MYOF: variants seen among roughly 807,000 people sequenced by gnomAD.
MYOF encodes myoferlin.
Under a neutral mutation model 284.2 loss-of-function variants are expected in MYOF, and 244 were observed. That is an observed-to-expected ratio of 0.86 (90% CI 0.77 to 0.95). MYOF has a LOEUF of 0.95. MYOF is among the 40% of genes least tolerant of loss of function. The probability of loss-of-function intolerance (pLI) is 0.00; values close to 1 mark genes in which losing one functional copy is unlikely to be tolerated. For synonymous variants in MYOF, 904 were observed against 919.7 expected (o/e 0.98, Z 0.31); for missense variants, 2,496 against 2,560.6 (o/e 0.97, Z 0.54).
intron 41 of MYOF, 57 bp from the exon 42 acceptor site, chr10:93,333,970 C>G: frequency 6.4e-7 from 1 of 1,551,320 alleles, no homozygotes; most frequent in Non-Finnish European, 8.7e-7. Context: ...GTAGAGGGCT[C>G]CTGGGAAGTC....
rs774873032 is a variant in MYOF at position 93,482,238 on chromosome 10, G to A, written c.-44C>T. ...AGCAAGTTTCAGCAAACGAAGTGGA[G>A]ACTAGGGCGCTGGAGCTCCGGGTCG... is the stretch of plus-strand genomic sequence containing the variant. On this transcript the variant is annotated 5_prime_UTR_variant, in exon 1 of 54. Transcript: ENST00000359263. 9 of 1,556,982 alleles carry A rather than the reference G, an allele frequency of 5.8e-6. No individual in the cohort carries two copies. The South Asian group carries it at 1.0e-4, about 18-fold the overall frequency.
At position 93,370,314 on chromosome 10, in the gene MYOF, A is replaced by ATTTTTTTTTTTTTTTTTTTTTT. The variant is rs916555324; in HGVS notation, c.2458-539_2458-538insAAAAAAAAAAAAAAAAAAAAAA. ...GTTGATCAAGCAGTAATGATTACTA[A>ATTTTTTTTTTTTTTTTTTTTTT]TTTTTTTTTTTTTTTTTTTTTGAGA... is the stretch of plus-strand genomic sequence containing the variant. On this transcript the variant is annotated intron_variant, in intron 24 of 53. Coordinates refer to ENST00000359263, the MANE Select transcript of MYOF (RefSeq NM_013451.4). Among the ~76,000 whole-genome samples the ATTTTTTTTTTTTTTTTTTTTTT allele has an allele frequency of 2.9e-4, 36 of 122,412 alleles. 2 individuals carry two copies. Among genetic ancestry groups the ATTTTTTTTTTTTTTTTTTTTTT allele is most frequent in the Middle Eastern group, 4.3e-3 (1 of 234 alleles). 80.3% of individuals were successfully genotyped at this position (122,412 alleles called of 152,430 possible). A position where few individuals can be genotyped will look rare whatever the true frequency, so the allele number is the denominator to read the frequency against.
At chr10:93,426,403 GCCA>G (rs1848591365) in intron 4 of MYOF, among the ~76,000 whole-genome samples, 6 of 152,088 alleles carry the variant, frequency 3.9e-5, no homozygotes, top group Non-Finnish European at 7.4e-5. Context: ...TTGCTAAGGG[GCCA>G]CCTCATCAAC....
chr10:93,373,125 G>A (rs376211743), intron 23 of MYOF, 40 bp from the exon 24 acceptor site: 2 of 1,613,106 alleles, frequency 1.2e-6, no homozygotes, highest in Non-Finnish European at 1.7e-6. Context: ...GCACAGCCAT[G>A]GTTAGTCTAA....
At chr10:93,363,862 G>C (rs1845192516) in intron 27 of MYOF, 99 bp downstream of exon 27, 1 of 906,990 alleles carries the variant, frequency 1.1e-6, no homozygotes, top group Non-Finnish European at 1.7e-6. Flanking sequence ...AGATGGAGCG[G>C]AGGAGAGGTT....
At chr10:93,348,151 C>T (rs1045152998) in intron 36 of MYOF, among the ~76,000 whole-genome samples, 1 of 152,228 alleles carries the variant, frequency 6.6e-6, no homozygotes, top group Non-Finnish European at 1.5e-5. Flanking sequence ...CTCTCAGTCA[C>T]TGCCCTATAC....
intron 34 of MYOF, 45 bp from the exon 35 acceptor site, chr10:93,351,340 G>C (rs1386817926): frequency 1.2e-6 from 2 of 1,608,566 alleles, no homozygotes; most frequent in Non-Finnish European, 1.7e-6. Context: ...TTTAGTTCAA[G>C]CAAACAGTGC....
At chr10:93,371,717 C>T (rs904392135) in intron 24 of MYOF, among the ~76,000 whole-genome samples, 1 of 146,242 alleles carries the variant, frequency 6.8e-6, no homozygotes, top group African/African-American at 2.5e-5. Context: ...AACCAAAGCT[C>T]TCTGGGGCCT....
chr10:93,441,733 T>G (rs1482988948), intron 3 of MYOF, among the ~76,000 whole-genome samples: 16 of 151,714 alleles, frequency 1.1e-4, no homozygotes, highest in Admixed American at 1.1e-3. Context: ...GCAGCTAATA[T>G]TTGTATTTTT....
chr10:93,395,560 C>T (rs1211246029), intron 16 of MYOF, among the ~76,000 whole-genome samples: 9 of 152,036 alleles, frequency 5.9e-5, no homozygotes, highest in Non-Finnish European at 1.3e-4. Flanking sequence ...ACCATAATGC[C>T]AGGTATAGGC....
intron 5 of MYOF, among the ~76,000 whole-genome samples, chr10:93,420,432 C>T (rs374576883): frequency 2.6e-5 from 4 of 152,138 alleles, no homozygotes; most frequent in East Asian, 3.9e-4. Context: ...GTGAAAAGAA[C>T]ATCTTTGACA....
intron 28 of MYOF, among the ~76,000 whole-genome samples, chr10:93,361,190 G>C (rs547403607): frequency 6.6e-6 from 1 of 152,134 alleles, no homozygotes; most frequent in Admixed American, 6.5e-5. Flanking sequence ...AATAGGGTTC[G>C]CACTCTTAGG....
At chr10:93,415,006 A>T (rs1195493294) in intron 5 of MYOF, among the ~76,000 whole-genome samples, 1 of 151,970 alleles carries the variant, frequency 6.6e-6, no homozygotes, top group African/African-American at 2.4e-5. Context: ...GGCCTCCCAA[A>T]GTGCTGGGAT....
At chr10:93,341,839 TA>T in intron 38 of MYOF, 2 of 999,962 alleles carry the variant, frequency 2.0e-6, no homozygotes, top group Non-Finnish European at 2.7e-6. Context: ...GAAAGAGTTG[TA>T]AGAATAATTC....
intron 49 of MYOF, among the ~76,000 whole-genome samples, chr10:93,317,696 A>G (rs1238544547): frequency 5.3e-5 from 8 of 152,218 alleles, no homozygotes; most frequent in African/African-American, 1.9e-4. Flanking sequence ...TAAGACCCTC[A>G]GATCCTCATG....
intron 27 of MYOF, among the ~76,000 whole-genome samples, chr10:93,361,861 A>G (rs1452434562): frequency 6.6e-6 from 1 of 152,208 alleles, no homozygotes; most frequent in African/African-American, 2.4e-5. Flanking sequence ...GTTCAACTTA[A>G]TATTATGAAA....
chr10:93,386,823 A>G (rs1367552253), intron 19 of MYOF, among the ~76,000 whole-genome samples: 1 of 152,188 alleles, frequency 6.6e-6, no homozygotes, highest in Non-Finnish European at 1.5e-5. Context: ...GGGCAGATGT[A>G]ACAGGCAGAC....
chr10:93,410,170 C>T (rs574354120), intron 5 of MYOF, among the ~76,000 whole-genome samples: 14 of 152,268 alleles, frequency 9.2e-5, no homozygotes, highest in Admixed American at 3.3e-4. Flanking sequence ...TGCTCGTGAT[C>T]TATTTGTACT....
Position 93,431,403 on chromosome 10 carries a change from C to G in MYOF, c.345+5G>C. 1 of 1,612,618 alleles carries G rather than the reference C, an allele frequency of 6.2e-7. No individual in the cohort carries two copies. The highest frequency in any genetic ancestry group is 8.5e-7 in the Non-Finnish European group (1 of 1,178,794). On this transcript the variant is annotated splice_donor_5th_base_variant and intron_variant, in intron 4 of 53. Transcript: ENST00000359263. Reference sequence around the variant, plus strand: ...AAGCCATTCAATAAGAGAGAAAACACTCACCCCAGTATCTTGCCCTTTTTC... The same window carrying G: ...AAGCCATTCAATAAGAGAGAAAACAGTCACCCCAGTATCTTGCCCTTTTTC...
Sources: allele counts gnomAD v4.1 joint callset (sites outside exome capture counted in the v4.1 genomes callset), GRCh38; gene constraint gnomAD v4.1.1; transcripts MANE v1.5; gene names NCBI Gene and HGNC (gene_info 2026-07-23, HGNC 2026-07-21).